The following PKHD1 variants were observed in gnomAD, a reference collection of about 807,000 sequenced individuals.
PKHD1 encodes PKHD1 ciliary IPT domain containing fibrocystin/polyductin.
PKHD1 carries 291 observed loss-of-function variants against 412.0 expected under a neutral mutation model. The observed-to-expected ratio is 0.71, with a 90% CI of 0.64 to 0.78. The LOEUF (loss-of-function observed/expected upper bound fraction) is 0.78, where lower values mean the gene tolerates loss of function less well. Ranked by LOEUF, PKHD1 falls within the 30% of genes least tolerant of loss-of-function variation. PKHD1 has a pLI of 0.00. For synonymous variants in PKHD1, 1,777 were observed against 1,821.5 expected (o/e 0.98, Z 0.62); for missense variants, 4,825 against 4,950.7 (o/e 0.97, Z 0.76).
chr6:52,072,223 G>A, intron 7 of PKHD1, 34 bp from the exon 8 acceptor site: 6 of 1,351,330 alleles, frequency 4.4e-6, no homozygotes, highest in Non-Finnish European at 6.4e-6. Flanking sequence ...CAAAAGACAA[G>A]AGATAATTGT....
chr6:51,718,560 A>C (rs910913453), intron 60 of PKHD1, among the ~76,000 whole-genome samples: 2 of 152,200 alleles, frequency 1.3e-5, no homozygotes, highest in East Asian at 3.9e-4. Context: ...AAGTTTAAGC[A>C]ATCAGGATAT....
At chr6:51,989,195 A>C (rs1293282954) in intron 35 of PKHD1, among the ~76,000 whole-genome samples, 1 of 152,232 alleles carries the variant, frequency 6.6e-6, no homozygotes, top group East Asian at 1.9e-4. Flanking sequence ...AGGAAAAAAA[A>C]CAAAAACTAG....
At chr6:51,816,950 G>A (rs1185129938) in intron 52 of PKHD1, among the ~76,000 whole-genome samples, 7 of 152,202 alleles carry the variant, frequency 4.6e-5, no homozygotes, top group Non-Finnish European at 8.8e-5. Flanking sequence ...TGAGGGTGAA[G>A]GAAAACATAA....
intron 61 of PKHD1, among the ~76,000 whole-genome samples, chr6:51,653,938 G>A (rs546431873): frequency 2.0e-5 from 3 of 152,026 alleles, no homozygotes; most frequent in South Asian, 4.1e-4. Context: ...AAGACCATAC[G>A]CAAAATAATC....
At position 52,028,175 on chromosome 6, in the gene PKHD1, C is replaced by G; in HGVS notation, c.3541G>C (p.Val1181Leu). Residue 1181 changes from valine (V) to leucine (L), a missense_variant, in exon 30 of 67, where the codon GTC becomes CTC. Transcript: ENST00000371117. ...CCTCACCCTTGTGAGTGAATGCTGACCCCATTGATAGAGACGGAAATTCTG... is the reference window on the plus strand; with the variant it reads ...CCTCACCCTTGTGAGTGAATGCTGAGCCCATTGATAGAGACGGAAATTCTG... ...LHRISVSING[V>L]SIHSQGVDLH... 1.2e-6 allele frequency: 2 copies of G among 1,614,192 alleles called. No individual in the cohort carries two copies. The highest frequency in any genetic ancestry group is 1.7e-6 in the Non-Finnish European group (2 of 1,180,024).
rs754565280 is a variant in PKHD1 at position 52,025,763 on chromosome 6, C to T, written c.4047G>A (p.Leu1349=). Residue 1349 remains leucine (L), a synonymous_variant, in exon 32 of 67, where the codon CTG becomes CTA. Coordinates refer to ENST00000371117, the MANE Select transcript of PKHD1 (RefSeq NM_138694.4). ...TGTGAAGAGGGATGGAGCATCCAGA[C>T]AGGCTCACGTTGCCCTGGAAGGACT... The part of the protein sequence containing the change: ...ETQSFQGNVS[L]SGCSIPLHSL... 1 of 1,614,210 alleles carries T rather than the reference C, an allele frequency of 6.2e-7. No individual in the cohort carries two copies. Among genetic ancestry groups the T allele is most frequent in the African/African-American group, 1.3e-5 (1 of 75,054 alleles).
At position 51,627,548 on chromosome 6, in the gene PKHD1, G is replaced by A. The variant is rs570183605; in HGVS notation, c.11666-432C>T. 5.9e-5 allele frequency among the ~76,000 whole-genome samples: 9 copies of A among 151,942 alleles called. No homozygotes were observed. In the East Asian group the frequency reaches 9.7e-4, roughly 16 times the overall value. ...CATATGTGGCTCATGTTATACTTCC[G>A]TAGGACAGAACTGATTAGCTAGTGA... On this transcript the variant is annotated intron_variant, in intron 65 of 66. Transcript: ENST00000371117.
intron 65 of PKHD1, among the ~76,000 whole-genome samples, chr6:51,628,281 A>C (rs1201044959): frequency 6.6e-6 from 1 of 152,058 alleles, no homozygotes; most frequent in African/African-American, 2.4e-5. Flanking sequence ...CTTTGTGTCC[A>C]TGTGAACCCA....
chr6:51,636,249 A>G (rs1768551917), intron 64 of PKHD1, among the ~76,000 whole-genome samples: 1 of 152,152 alleles, frequency 6.6e-6, no homozygotes, highest in Non-Finnish European at 1.5e-5. Flanking sequence ...AATGATTGCA[A>G]ATTCTCTGCT....
At chr6:51,999,252 C>T (rs577425396) in intron 35 of PKHD1, among the ~76,000 whole-genome samples, 1 of 152,280 alleles carries the variant, frequency 6.6e-6, no homozygotes, top group African/African-American at 2.4e-5. Flanking sequence ...AAGTAACAGC[C>T]TTTATCTAAA....
At chr6:51,800,173 T>C (rs1187816431) in intron 52 of PKHD1, among the ~76,000 whole-genome samples, 2 of 152,192 alleles carry the variant, frequency 1.3e-5, no homozygotes, top group East Asian at 3.9e-4. Context: ...TGGTTCCGAA[T>C]TACACCCTTT....
chr6:51,789,628 A>G (rs1793422461), intron 53 of PKHD1, among the ~76,000 whole-genome samples: 2 of 152,138 alleles, frequency 1.3e-5, no homozygotes, highest in South Asian at 4.1e-4. Flanking sequence ...AATTGTGGTT[A>G]TATTTGCACT....
intron 1 of PKHD1, 30 bp from the exon 2 acceptor site, chr6:52,085,047 A>C (rs896158702): frequency 1.3e-6 from 1 of 799,414 alleles, no homozygotes; most frequent in African/African-American, 1.7e-5. Flanking sequence ...GCAAAAAAAA[A>C]TTATCATTTT....
chr6:51,857,656 G>A (rs1773508991), intron 48 of PKHD1, among the ~76,000 whole-genome samples: 1 of 152,094 alleles, frequency 6.6e-6, no homozygotes, highest in Admixed American at 6.5e-5. Context: ...ATCTACTTAG[G>A]TCTCATTTAA....
intron 30 of PKHD1, 33 bp downstream of exon 30, chr6:52,028,123 C>A: frequency 6.3e-7 from 1 of 1,599,934 alleles, no homozygotes; most frequent in Non-Finnish European, 8.6e-7. Context: ...GACCATCAAA[C>A]AAATCCAAAA....
chr6:52,014,482 CT>C (rs1800207469), intron 34 of PKHD1, among the ~76,000 whole-genome samples: 1 of 152,152 alleles, frequency 6.6e-6, no homozygotes, highest in Non-Finnish European at 1.5e-5. Flanking sequence ...GTGATCAATA[CT>C]GGATAGATGG....
intron 35 of PKHD1, among the ~76,000 whole-genome samples, chr6:51,969,112 G>C (rs955792988): frequency 2.6e-5 from 4 of 152,204 alleles, no homozygotes; most frequent in Non-Finnish European, 5.9e-5. Flanking sequence ...GTCCTTAAGA[G>C]AGAGATTCTC....
intron 35 of PKHD1, among the ~76,000 whole-genome samples, chr6:51,990,769 C>G (rs760937911): frequency 1.3e-5 from 2 of 148,376 alleles, no homozygotes; most frequent in Admixed American, 6.7e-5. Flanking sequence ...CATTCACTAG[C>G]TTTTTTTTTT....
intron 60 of PKHD1, among the ~76,000 whole-genome samples, chr6:51,668,974 C>A (rs1033747497): frequency 2.6e-5 from 4 of 152,132 alleles, no homozygotes; most frequent in Non-Finnish European, 4.4e-5. Context: ...ATTTTTGCAT[C>A]AATGTTCATC....
Sources: allele counts gnomAD v4.1 joint callset (sites outside exome capture counted in the v4.1 genomes callset), GRCh38; gene constraint gnomAD v4.1.1; transcripts MANE v1.5; gene names NCBI Gene and HGNC (gene_info 2026-07-23, HGNC 2026-07-21).